Variants in GRID2 observed in about 807,000 individuals in gnomAD.
The protein encoded by GRID2 is glutamate ionotropic receptor delta type subunit 2.
In GRID2, 33 loss-of-function variants were observed where a neutral mutation model predicts 114.8. The observed-to-expected ratio is 0.29, with a 90% CI of 0.22 to 0.38. The LOEUF (loss-of-function observed/expected upper bound fraction) is 0.38. Among genes scored for constraint, GRID2 ranks in the 10% least tolerant of loss-of-function variants. The pLI is 1.00. For missense variants in GRID2, 1,184 were observed against 1,257.7 expected, an observed-to-expected ratio of 0.94 and a Z score of 0.89; for synonymous variants, 505 against 449.9, an observed-to-expected ratio of 1.12 and a Z score of -1.55.
chr4:93,585,393 A>G lies in GRID2; in HGVS notation c.2194-40876A>G, dbSNP rs780458143. Among the ~76,000 whole-genome samples, 5 of 152,140 alleles carry G rather than the reference A, an allele frequency of 3.3e-5. No homozygotes were observed. In the East Asian group the frequency reaches 5.8e-4, roughly 18 times the overall value. ...AGTTAGAATTGTGTACGCTGAGTCA[A>G]TTAAGATGTCTATGGTGTTGACTGT... On this transcript the variant is annotated intron_variant, in intron 13 of 15. Transcript: ENST00000282020.
intron 1 of GRID2, among the ~76,000 whole-genome samples, chr4:92,513,721 G>A (rs2167210): frequency 0.22 from 32,951 of 151,714 alleles, 4,279 homozygotes; most frequent in Non-Finnish European, 0.28. Context: ...TCAATGCTGC[G>A]TCCCTCTTCC....
chr4:93,013,259 T>G (rs575421216), intron 2 of GRID2, among the ~76,000 whole-genome samples: 1 of 151,986 alleles, frequency 6.6e-6, no homozygotes, highest in East Asian at 1.9e-4. Flanking sequence ...ATGGTATGGA[T>G]GATTATTTAA....
intron 10 of GRID2, among the ~76,000 whole-genome samples, chr4:93,455,023 G>C (rs2149410847): frequency 6.6e-6 from 1 of 152,138 alleles, no homozygotes; most frequent in South Asian, 2.1e-4. Flanking sequence ...ACATTAGAAA[G>C]GGATTATTAC....
chr4:92,427,270 C>T (rs981384814), intron 1 of GRID2, among the ~76,000 whole-genome samples: 7 of 151,860 alleles, frequency 4.6e-5, no homozygotes, highest in Admixed American at 2.6e-4. Context: ...AGTATTTAGA[C>T]GACATTCTTG....
At chr4:92,661,177 A>G (rs1309138181) in intron 2 of GRID2, among the ~76,000 whole-genome samples, 2 of 150,864 alleles carry the variant, frequency 1.3e-5, no homozygotes, top group East Asian at 3.9e-4. Flanking sequence ...CATTCTTTTA[A>G]TTTTCTTCAT....
intron 2 of GRID2, among the ~76,000 whole-genome samples, chr4:93,039,723 C>T (rs1177815552): frequency 6.6e-6 from 1 of 152,124 alleles, no homozygotes; most frequent in African/African-American, 2.4e-5. Flanking sequence ...ATGCAGTCTA[C>T]AGCTAAACTC....
At chr4:92,578,101 C>A (rs994242624) in intron 1 of GRID2, among the ~76,000 whole-genome samples, 2 of 62,950 alleles carry the variant, frequency 3.2e-5, no homozygotes, top group South Asian at 5.4e-4. Context: ...TCTTCTTCTT[C>A]TTCTTCTTCT....
intron 1 of GRID2, among the ~76,000 whole-genome samples, chr4:92,439,200 AG>A: frequency 6.6e-6 from 1 of 152,250 alleles, no homozygotes; most frequent in Non-Finnish European, 1.5e-5. Context: ...AGGATGAGCC[AG>A]GAAAAGGACT....
At chr4:93,503,719 A>G (rs1366097157) in intron 12 of GRID2, among the ~76,000 whole-genome samples, 1 of 152,036 alleles carries the variant, frequency 6.6e-6, no homozygotes, top group Non-Finnish European at 1.5e-5. Flanking sequence ...CGCTCACTGC[A>G]CAAATATTTG....
At chr4:93,064,461 T>C (rs1048480397) in intron 2 of GRID2, among the ~76,000 whole-genome samples, 8 of 151,896 alleles carry the variant, frequency 5.3e-5, no homozygotes, top group African/African-American at 1.9e-4. Context: ...CCAGGACATA[T>C]ACTAAATTCA....
intron 8 of GRID2, among the ~76,000 whole-genome samples, chr4:93,300,864 G>T (rs1047899529): frequency 1.3e-5 from 2 of 152,230 alleles, no homozygotes; most frequent in Non-Finnish European, 2.9e-5. Context: ...GGCAGTACGT[G>T]ACAGGGGCTG....
chr4:93,524,683 TA>T (rs761858868), intron 13 of GRID2, among the ~76,000 whole-genome samples: 31 of 150,966 alleles, frequency 2.1e-4, no homozygotes, highest in Non-Finnish European at 4.4e-4. Flanking sequence ...GAATTTTACA[TA>T]AGTTACAATG....
intron 1 of GRID2, among the ~76,000 whole-genome samples, chr4:92,320,264 A>C (rs570040215): frequency 1.3e-5 from 2 of 152,250 alleles, no homozygotes; most frequent in South Asian, 4.1e-4. Context: ...CTAAAAAAGG[A>C]AACAGTGTTT....
chr4:92,587,378 A>G (rs1344498364), intron 1 of GRID2, among the ~76,000 whole-genome samples: 2 of 152,086 alleles, frequency 1.3e-5, no homozygotes, highest in Non-Finnish European at 2.9e-5. Context: ...TTGTATATTA[A>G]TACAAAGAAT....
chr4:93,373,909 C>G (rs1763150744), intron 8 of GRID2, among the ~76,000 whole-genome samples: 2 of 152,052 alleles, frequency 1.3e-5, no homozygotes, highest in South Asian at 2.1e-4. Context: ...CAAGGAAATA[C>G]TTGAAATAAG....
intron 8 of GRID2, chr4:93,282,285 T>A (rs977290740): frequency 1.2e-5 from 4 of 324,426 alleles, no homozygotes; most frequent in African/African-American, 2.2e-5. Flanking sequence ...GTAAAAACAA[T>A]TAAAAGTACC....
intron 4 of GRID2, among the ~76,000 whole-genome samples, chr4:93,138,016 G>A (rs1407285719): frequency 3.4e-5 from 4 of 119,016 alleles, no homozygotes; most frequent in Non-Finnish European, 6.4e-5. Context: ...TCTGTCACCC[G>A]GGATGGAGTG....
chr4:92,324,592 TACAG>T (rs1184994499), intron 1 of GRID2, among the ~76,000 whole-genome samples: 1 of 127,354 alleles, frequency 7.9e-6, no homozygotes, highest in Non-Finnish European at 1.7e-5. Flanking sequence ...CATACATACA[TACAG>T]ACACACACAC....
At chr4:93,590,199 A>C (rs569394817) in intron 13 of GRID2, among the ~76,000 whole-genome samples, 2 of 150,926 alleles carry the variant, frequency 1.3e-5, no homozygotes, top group African/African-American at 2.4e-5. Context: ...CTAACGTTTT[A>C]AGTCTTTAAT....
Sources: allele counts gnomAD v4.1 joint callset (sites outside exome capture counted in the v4.1 genomes callset), GRCh38; gene constraint gnomAD v4.1.1; transcripts MANE v1.5; gene names NCBI Gene and HGNC (gene_info 2026-07-23, HGNC 2026-07-21).